USP19: variants seen among roughly 807,000 people sequenced by gnomAD.
USP19 encodes ubiquitin carboxyl-terminal hydrolase 19.
USP19 carries 40 observed loss-of-function variants against 144.8 expected under a neutral mutation model. The observed-to-expected ratio is 0.28, with a 90% confidence interval of 0.21 to 0.36. The LOEUF (loss-of-function observed/expected upper bound fraction) is 0.36, where lower values mean the gene tolerates loss of function less well. USP19 is among the 10% of genes least tolerant of loss of function. USP19 has a pLI of 1.00. For synonymous variants in USP19, 701 were observed against 709.3 expected (o/e 0.99, Z 0.19); for missense variants, 1,518 against 1,822.5 (o/e 0.83, Z 3.04).
At position 49,115,814 on chromosome 3, in the gene USP19, C is replaced by T; in HGVS notation, c.1602G>A (p.Lys534=). The change falls in exon 11 of 27, where the codon AAG becomes AAA. Residue 534 remains lysine, a synonymous_variant. Coordinates refer to ENST00000417901, the MANE Select transcript of USP19 (RefSeq NM_001199161.2). This position sits in a 1 kb window ranked among gnomAD's most constrained non-coding sequence, Gnocchi z 6.6. ...EARAVEKDKS[K]ARSEDTGLDS... ...CTAGCCCTGTGTCCTCAGATCGTGC[C>T]TTGGATTTATCCTTCTCCACAGCCC... The T allele has an allele frequency of 1.2e-6, 2 of 1,614,088 alleles. No homozygotes were observed. The highest frequency in any genetic ancestry group is 1.7e-6 in the Non-Finnish European group (2 of 1,179,936).
In USP19 at chr3:49,116,605, G is replaced by C. The variant is rs750688203; in HGVS notation, c.1129C>G (p.Pro377Ala). 11 of 1,614,092 alleles carry C rather than the reference G, an allele frequency of 6.8e-6. No individual in the cohort carries two copies. In the Admixed American group the frequency reaches 1.8e-4, roughly 27 times the overall value. The part of the protein sequence containing the change: ...AADAATLVDE[P>A]ESMVNLAFVK... The stretch of plus-strand genomic sequence containing the variant: ...AACGCCAGGTTCACCATCGACTCGG[G>C]CTCTATATTGAGACCATGGCTCAGC... The change falls in exon 8 of 27, where the codon CCC becomes GCC. Residue 377 changes from proline to alanine, a missense_variant and splice_region_variant. Pro to Ala is a conservative substitution (Grantham distance 27, BLOSUM62 -1). Around this residue, in one of 5 missense-constraint regions of USP19, gnomAD observed 707 missense variants for 728.9 expected, o/e 0.97. Coordinates refer to ENST00000417901, the MANE Select transcript of USP19 (RefSeq NM_001199161.2). This position sits in a 1 kb window ranked among gnomAD's most constrained non-coding sequence, Gnocchi z 5.0.
At position 49,117,060 on chromosome 3, in the gene USP19, T is replaced by C; in HGVS notation, c.908A>G (p.Gln303Arg). The C allele has an allele frequency of 6.6e-7, 1 of 1,517,068 alleles. No homozygotes were observed. Among genetic ancestry groups the C allele is most frequent in the Non-Finnish European group, 8.9e-7 (1 of 1,128,302 alleles). 94.0% of individuals were successfully genotyped at this position (1,517,068 alleles called of 1,614,324 possible). A position where few individuals can be genotyped will look rare whatever the true frequency, so the allele number is the denominator to read the frequency against. The change falls in exon 6 of 27, where the codon CAG (glutamine) becomes CGG (arginine). Residue 303 changes from glutamine (Q) to arginine (R), a missense_variant and splice_region_variant. By Grantham distance (43) the Gln-to-Arg change is conservative. Transcript: ENST00000417901. This position sits in a 1 kb window ranked among gnomAD's most constrained non-coding sequence, Gnocchi z 4.4. ...APPFVADPAT[Q>R]VEADEQLCIP... is the part of the protein sequence containing the mutation. ...CCCAAACAGGTGCCCAGCTCTCACC[T>C]GGGTGGCTGGGTCAGCCACGAAGGG...
chr3:49,114,841 C>T lies in USP19; in HGVS notation c.2214G>A (p.Lys738=). 1.2e-6 allele frequency: 2 copies of T among 1,614,218 alleles called. No individual in the cohort carries two copies. Among genetic ancestry groups the T allele is most frequent in the East Asian group, 2.2e-5 (1 of 44,882 alleles). Residue 738 remains lysine (K), a synonymous_variant, in exon 15 of 27, where the codon AAG becomes AAA. Transcript: ENST00000417901. The surrounding 1 kb of genome is among the most constrained non-coding windows in gnomAD (Gnocchi z 4.5). Reference sequence around the variant, plus strand: ...CCACGATGAAAGAGTCATTCCTCATCTTGTGCCGCTGCCATGCTTCCTCAG... The same window carrying T: ...CCACGATGAAAGAGTCATTCCTCATTTTGTGCCGCTGCCATGCTTCCTCAG... ...VVAEEAWQRH[K]MRNDSFIVDL... is the part of the protein sequence containing the mutation.
chr3:49,110,920 C>T lies in USP19; in HGVS notation c.3545+30G>A, dbSNP rs762977359. ...CAAGTCTCTCTCTTCTCCATCCTGCCCCCTTATCTACTTGCTGCTCTGTTC... is the reference window on the plus strand; with the variant it reads ...CAAGTCTCTCTCTTCTCCATCCTGCTCCCTTATCTACTTGCTGCTCTGTTC... On this transcript the variant is annotated intron_variant, in intron 23 of 26. Coordinates refer to ENST00000417901, the MANE Select transcript of USP19 (RefSeq NM_001199161.2). The surrounding 1 kb of genome is among the most constrained non-coding windows in gnomAD (Gnocchi z 6.1). The T allele has an allele frequency of 1.2e-5, 19 of 1,613,792 alleles. No individual in the cohort carries two copies. In the East Asian group the frequency reaches 1.8e-4, roughly 15 times the overall value.
At chr3:49,120,030 G>A (rs1229806700) in intron 1 of USP19, among the ~76,000 whole-genome samples, 1 of 152,188 alleles carries the variant, frequency 6.6e-6, no homozygotes, top group Non-Finnish European at 1.5e-5. Context: ...TTCCTTCCCA[G>A]ATGCCTTCAC....
Position 49,111,315 on chromosome 3 carries a change from G to A in USP19, c.3268C>T (p.Pro1090Ser). 3 of 1,614,184 alleles carry A rather than the reference G, an allele frequency of 1.9e-6. No homozygotes were observed. The highest frequency in any genetic ancestry group is 2.5e-6 in the Non-Finnish European group (3 of 1,180,030). The change falls in exon 22 of 27, where the codon CCC becomes TCC. Residue 1090 changes from proline (P) to serine (S), a missense_variant. Transcript: ENST00000417901. The surrounding 1 kb of genome is among the most constrained non-coding windows in gnomAD (Gnocchi z 5.9). Reference protein sequence around the residue: ...HPSEAMNAHTPQFFIYKIDSS... With the variant: ...HPSEAMNAHTSQFFIYKIDSS... ...TCAATTTTATAGATGAAGAACTGGGGTGTGTGGGCATTCATAGCTTCACTT... is the reference window on the plus strand; with the variant it reads ...TCAATTTTATAGATGAAGAACTGGGATGTGTGGGCATTCATAGCTTCACTT...
chr3:49,112,374 G>A lies in USP19; in HGVS notation c.2675C>T (p.Ser892Phe). 1.2e-6 allele frequency: 2 copies of A among 1,614,024 alleles called. No individual in the cohort carries two copies. Among genetic ancestry groups the A allele is most frequent in the South Asian group, 2.2e-5 (2 of 91,080 alleles). Residue 892 changes from serine to phenylalanine, a missense_variant, in exon 19 of 27, where the codon TCC becomes TTC. This residue lies in a region of USP19 where 413 missense variants were observed against 515.8 expected (regional missense o/e 0.80). Coordinates refer to ENST00000417901, the MANE Select transcript of USP19 (RefSeq NM_001199161.2). The surrounding 1 kb of genome is among the most constrained non-coding windows in gnomAD (Gnocchi z 4.9). ...CTTCCGCTGGCAGGCTGCACACTTGGAGATGGGGACGCTGGGCACCTGGGG... is the reference window on the plus strand; with the variant it reads ...CTTCCGCTGGCAGGCTGCACACTTGAAGATGGGGACGCTGGGCACCTGGGG... ...QRPQVPSVPI[S>F]KCAACQRKQQ...
At chr3:49,120,397 G>A (rs1465484511) in intron 1 of USP19, 2 of 152,020 alleles carry the variant, frequency 1.3e-5, no homozygotes, top group Non-Finnish European at 2.9e-5. Flanking sequence ...CATGCCCCAG[G>A]GACGTCGAGG....
In USP19 at chr3:49,117,991, G is replaced by A. The variant is rs552270929; in HGVS notation, c.254C>T (p.Ser85Leu). The A allele has an allele frequency of 1.8e-5, 29 of 1,608,886 alleles. No individual in the cohort carries two copies. Among genetic ancestry groups the A allele is most frequent in the Admixed American group, 6.9e-5 (4 of 58,010 alleles). The change falls in exon 3 of 27, where the codon TCG becomes TTG. Residue 85 changes from serine (S) to leucine (L), a missense_variant. By Grantham distance (145) the Ser-to-Leu change is moderately radical. This residue lies in a region of USP19 where 707 missense variants were observed against 728.9 expected (regional missense o/e 0.97). Coordinates refer to ENST00000417901, the MANE Select transcript of USP19 (RefSeq NM_001199161.2). This position sits in a 1 kb window ranked among gnomAD's most constrained non-coding sequence, Gnocchi z 4.4. Reference protein sequence around the residue: ...RHRTRLFFPSSSGSASTPQEE... With the variant: ...RHRTRLFFPSLSGSASTPQEE... ...TTGAGGAGTGGATGCTGACCCTGACGATGAAGGAAAGAACAGCCGGGTACG... is the reference window on the plus strand; with the variant it reads ...TTGAGGAGTGGATGCTGACCCTGACAATGAAGGAAAGAACAGCCGGGTACG...
At position 49,111,127 on chromosome 3, in the gene USP19, G is replaced by A. The variant is rs779715949; in HGVS notation, c.3368C>T (p.Ala1123Val). The change falls in exon 23 of 27, where the codon GCT becomes GTT. Residue 1123 changes from alanine to valine, a missense_variant. Coordinates refer to ENST00000417901, the MANE Select transcript of USP19 (RefSeq NM_001199161.2). This position sits in a 1 kb window ranked among gnomAD's most constrained non-coding sequence, Gnocchi z 5.9. ...GCGCTCATTGTTCCGCCAGACGAGA[G>A]CCAGGCTACAGTCGTCACCCAGCTC... ...PLELGDDCSL[A>V]LVWRNNERLQ... The A allele has an allele frequency of 7.4e-6, 12 of 1,613,708 alleles. No individual in the cohort carries two copies. Among genetic ancestry groups the A allele is most frequent in the South Asian group, 3.3e-5 (3 of 91,088 alleles).
Position 49,117,043 on chromosome 3 carries a change from G to C in USP19, c.909+16C>G. Reference sequence around the variant, plus strand: ...CCCCCCATCTCCTAACACCCAAACAGGTGCCCAGCTCTCACCTGGGTGGCT... The same window carrying C: ...CCCCCCATCTCCTAACACCCAAACACGTGCCCAGCTCTCACCTGGGTGGCT... On this transcript the variant is annotated intron_variant, in intron 6 of 26. Transcript: ENST00000417901. This position sits in a 1 kb window ranked among gnomAD's most constrained non-coding sequence, Gnocchi z 4.4. The C allele has an allele frequency of 6.6e-7, 1 of 1,520,304 alleles. No individual in the cohort carries two copies. Among genetic ancestry groups the C allele is most frequent in the East Asian group, 2.5e-5 (1 of 40,794 alleles). 94.2% of individuals were successfully genotyped at this position (1,520,304 alleles called of 1,614,324 possible). A position where few individuals can be genotyped will look rare whatever the true frequency, so the allele number is the denominator to read the frequency against.
In USP19 at chr3:49,112,097, G is replaced by A. The variant is rs765301846; in HGVS notation, c.2766-49C>T. On this transcript the variant is annotated intron_variant, in intron 19 of 26. Transcript: ENST00000417901. The surrounding 1 kb of genome is among the most constrained non-coding windows in gnomAD (Gnocchi z 4.9). ...ATAGGCCCTTAGCCCCATCTCCTAT[G>A]ACTCCATACTGGGGGCTAGTCATAG... The A allele has an allele frequency of 6.2e-7, 1 of 1,602,538 alleles. No homozygotes were observed. The highest frequency in any genetic ancestry group is 1.3e-5 in the African/African-American group (1 of 74,710).
rs1293648142 is a variant in USP19 at position 49,117,948 on chromosome 3, C to T, written c.297G>A (p.Glu99=). Residue 99 remains glutamate (E), a splice_region_variant and synonymous_variant, in exon 3 of 27, where the codon GAG becomes GAA. Transcript: ENST00000417901. The surrounding 1 kb of genome is among the most constrained non-coding windows in gnomAD (Gnocchi z 4.4). ...ACAAAAAGCCCATTCGTTACTGACC[C>T]TCTTTGGTCTGCTCCTCTTGAGGAG... ...ASTPQEEQTK[E]GACEDPHDLL... The T allele has an allele frequency of 1.9e-6, 3 of 1,613,136 alleles. No homozygotes were observed. The South Asian group carries it at 3.3e-5, about 18-fold the overall frequency.
chr3:49,114,895 A>C lies in USP19; in HGVS notation c.2182-22T>G, dbSNP rs780170955. 5 of 1,614,010 alleles carry C rather than the reference A, an allele frequency of 3.1e-6. No homozygotes were observed. Among genetic ancestry groups the C allele is most frequent in the Non-Finnish European group, 4.2e-6 (5 of 1,180,038 alleles). ...CCACCTGAGAGGCAGAGTGGTGAGAACCAAAGAGTACCAGGGGCTGGGATG... is the reference window on the plus strand; with the variant it reads ...CCACCTGAGAGGCAGAGTGGTGAGACCCAAAGAGTACCAGGGGCTGGGATG... On this transcript the variant is annotated intron_variant, in intron 14 of 26. Coordinates refer to ENST00000417901, the MANE Select transcript of USP19 (RefSeq NM_001199161.2). This position sits in a 1 kb window ranked among gnomAD's most constrained non-coding sequence, Gnocchi z 4.5.
At position 49,117,111 on chromosome 3, in the gene USP19, T is replaced by G; in HGVS notation, c.857A>C (p.Asp286Ala). The G allele has an allele frequency of 1.3e-6, 2 of 1,533,044 alleles. No homozygotes were observed. The highest frequency in any genetic ancestry group is 8.8e-7 in the Non-Finnish European group (1 of 1,137,484). The allele number at this position is 1,533,044 out of a possible 1,614,324, so 95.0% of individuals were successfully genotyped here. ...RGPEGDGSRD[D>A]PGPRGDAPPF... is the part of the protein sequence containing the mutation. The stretch of plus-strand genomic sequence containing the variant: ...TGGGGCATCACCCCGGGGTCCAGGG[T>G]CATCCCTGGACCCGTCCCCCTCTGG... Residue 286 changes from aspartate (D) to alanine (A), a missense_variant, in exon 6 of 27, where the codon GAC (aspartate) becomes GCC (alanine). By Grantham distance (126) the Asp-to-Ala change is moderately radical. Coordinates refer to ENST00000417901, the MANE Select transcript of USP19 (RefSeq NM_001199161.2). The surrounding 1 kb of genome is among the most constrained non-coding windows in gnomAD (Gnocchi z 4.4).
intron 26 of USP19, chr3:49,109,982 A>T: frequency 1.9e-6 from 1 of 518,918 alleles, no homozygotes; most frequent in Non-Finnish European, 3.1e-6. Flanking sequence ...GCAGCATGTT[A>T]GTGTACTTGT....
chr3:49,118,942 C>A, intron 2 of USP19, 80 bp downstream of exon 2: 1 of 1,590,260 alleles, frequency 6.3e-7, no homozygotes, highest in Non-Finnish European at 8.6e-7. Context: ...ACAAGAAAGT[C>A]ATCTCCCAAA....
chr3:49,110,237 G>A lies in USP19; in HGVS notation c.3985C>T (p.His1329Tyr). ...CCTAGGTCTGGGTGGTGCTCAGAGT[G>A]ACCTGCCCTGGGGGGCCTCTCCACA... ...SPVERPPRAG[H>Y]SEHHPDLGPA... is the part of the protein sequence containing the mutation. The change falls in exon 26 of 27, where the codon CAC becomes TAC. Residue 1329 changes from histidine to tyrosine, a missense_variant. Coordinates refer to ENST00000417901, the MANE Select transcript of USP19 (RefSeq NM_001199161.2). The surrounding 1 kb of genome is among the most constrained non-coding windows in gnomAD (Gnocchi z 6.1). The A allele has an allele frequency of 6.3e-7, 1 of 1,583,044 alleles. No homozygotes were observed. The highest frequency in any genetic ancestry group is 8.6e-7 in the Non-Finnish European group (1 of 1,163,330).
chr3:49,117,029 C>T lies in USP19; in HGVS notation c.909+30G>A. ...AGTGCACACCCTTTCCCCCCATCTC[C>T]TAACACCCAAACAGGTGCCCAGCTC... On this transcript the variant is annotated intron_variant, in intron 6 of 26. Transcript: ENST00000417901. This position sits in a 1 kb window ranked among gnomAD's most constrained non-coding sequence, Gnocchi z 4.4. 6.5e-7 allele frequency: 1 copy of T among 1,528,772 alleles called. No individual in the cohort carries two copies. Among genetic ancestry groups the T allele is most frequent in the African/African-American group, 1.4e-5 (1 of 72,856 alleles). 94.7% of individuals were successfully genotyped at this position (1,528,772 alleles called of 1,614,324 possible).
Sources: gnomAD v4.1 joint callset for allele counts (sites outside exome capture counted in the v4.1 genomes callset) on GRCh38, gnomAD v4.1.1 for gene constraint, gnomAD v4.1.1 regional missense constraint, Gnocchi (gnomAD v3.1) non-coding constraint, MANE v1.5 for transcripts, NCBI Gene and HGNC (gene_info 2026-07-23, HGNC 2026-07-21) for gene names.